Variants in SRD5A2 observed in about 807,000 individuals in gnomAD.
SRD5A2 encodes steroid 5 alpha-reductase 2, also known as 3-oxo-5-alpha-steroid 4-dehydrogenase 2.
A neutral mutation model predicts 27.4 loss-of-function variants in SRD5A2; 30 were observed. The ratio of observed to expected loss-of-function variants is 1.10; its 90% CI spans 0.82 to 1.49. SRD5A2 has a LOEUF of 1.49. Ranked by LOEUF, SRD5A2 falls within the 40% of genes most tolerant of loss-of-function variation. SRD5A2 has a pLI of 0.00. For missense variants in SRD5A2, 348 were observed against 323.4 expected, an observed-to-expected ratio of 1.08 and a Z score of -0.58; for synonymous variants, 141 against 133.6, an observed-to-expected ratio of 1.06 and a Z score of -0.38.
At position 31,531,365 on chromosome 2, in the gene SRD5A2, C is replaced by A. The variant is rs1394419401; in HGVS notation, c.547+6G>T. ...AGTGAGAGTCTGGGGGCAGGGGAGA[C>A]ATTACCTTGTGGAATCCTGTAGCTG... is the stretch of plus-strand genomic sequence containing the variant. On this transcript the variant is annotated splice_donor_region_variant and intron_variant, in intron 3 of 4. Coordinates refer to ENST00000622030, the MANE Select transcript of SRD5A2 (RefSeq NM_000348.4). 1 of 1,567,414 alleles carries A rather than the reference C, an allele frequency of 6.4e-7. No homozygotes were observed. The highest frequency in any genetic ancestry group is 8.7e-7 in the Non-Finnish European group (1 of 1,153,078).
the SRD5A2 span, among the ~76,000 whole-genome samples, chr2:31,604,201 T>C: frequency 6.6e-6 from 1 of 151,748 alleles, no homozygotes; most frequent in African/African-American, 2.4e-5. Flanking sequence ...AACTGAAGTC[T>C]TTCCTCTAAG....
chr2:31,581,053 C>T, upstream of SRD5A2: 1 of 711,042 alleles, frequency 1.4e-6, no homozygotes, highest in Non-Finnish European at 1.9e-6. Context: ...GCGTCCAGCC[C>T]TGGCGCGGTT....
At chr2:31,652,603 G>C in the SRD5A2 span, among the ~76,000 whole-genome samples, 1 of 152,068 alleles carries the variant, frequency 6.6e-6, no homozygotes, top group Non-Finnish European at 1.5e-5. Flanking sequence ...ACAAATTATT[G>C]AAATCAAAAA....
intron 4 of SRD5A2, chr2:31,527,114 C>G (rs1665799409): frequency 3.3e-5 from 5 of 152,196 alleles, no homozygotes; most frequent in Admixed American, 3.3e-4. Flanking sequence ...TTTCAAAATT[C>G]TAGCCTCCAG....
upstream of SRD5A2, among the ~76,000 whole-genome samples, chr2:31,583,652 C>CAAAAAAAAAAAAAAAAAAAAAAAAA (rs1352139998): frequency 1.4e-4 from 3 of 20,922 alleles, no homozygotes; most frequent in Non-Finnish European, 2.2e-4. Context: ...AAAAAAAAAC[C>CAAAAAAAAAAAAAAAAAAAAAAAAA]AAAAAAAAAG....
the SRD5A2 span, among the ~76,000 whole-genome samples, chr2:31,641,626 G>T: frequency 2.0e-5 from 3 of 152,070 alleles, no homozygotes; most frequent in Admixed American, 6.6e-5. Context: ...TTATGAACAC[G>T]TGGTATTATT....
At chr2:31,536,761 A>G (rs1666035477) in intron 1 of SRD5A2, among the ~76,000 whole-genome samples, 1 of 152,202 alleles carries the variant, frequency 6.6e-6, no homozygotes, top group African/African-American at 2.4e-5. Context: ...TTAGCCCAAG[A>G]GGCTGGCAAT....
At chr2:31,538,082 TGATATCTCCAGACAG>T (rs1300153119) in intron 1 of SRD5A2, among the ~76,000 whole-genome samples, 1 of 152,206 alleles carries the variant, frequency 6.6e-6, no homozygotes, top group East Asian at 1.9e-4. Context: ...AGTCCCAAAT[TGATATCTCCAGACAG>T]GATATCTGCA....
chr2:31,594,727 C>G, the SRD5A2 span, among the ~76,000 whole-genome samples: 1 of 152,120 alleles, frequency 6.6e-6, no homozygotes, highest in Non-Finnish European at 1.5e-5. Context: ...TATTTACAAA[C>G]ATTCTACCCA....
chr2:31,563,003 T>C (rs979141295), intron 1 of SRD5A2: 1 of 152,104 alleles, frequency 6.6e-6, no homozygotes, highest in East Asian at 1.9e-4. Flanking sequence ...TAATTTTCCA[T>C]GTGAAAGTTT....
At chr2:31,587,219 C>T in the SRD5A2 span, among the ~76,000 whole-genome samples, 2,761 of 152,152 alleles carry the variant, frequency 0.018, 46 homozygotes, top group Middle Eastern at 0.078. Context: ...ATCTCATCAC[C>T]GTTAGAATGC....
At chr2:31,555,884 C>A (rs1482553150) in intron 1 of SRD5A2, among the ~76,000 whole-genome samples, 3 of 152,152 alleles carry the variant, frequency 2.0e-5, no homozygotes, top group African/African-American at 7.2e-5. Context: ...GTAGGAAGAT[C>A]TCTTGAGCCC....
the SRD5A2 span, among the ~76,000 whole-genome samples, chr2:31,615,876 C>T: frequency 6.6e-6 from 1 of 152,188 alleles, no homozygotes; most frequent in Non-Finnish European, 1.5e-5. Context: ...AGCCTAGGGA[C>T]TTGGTGTCCT....
chr2:31,633,839 T>A, the SRD5A2 span, among the ~76,000 whole-genome samples: 7 of 152,258 alleles, frequency 4.6e-5, no homozygotes, highest in East Asian at 1.4e-3. Flanking sequence ...ACACAGGGCT[T>A]GCAACTTAGC....
At chr2:31,640,039 TTTC>T in the SRD5A2 span, among the ~76,000 whole-genome samples, 4 of 152,024 alleles carry the variant, frequency 2.6e-5, no homozygotes, top group African/African-American at 7.2e-5. Context: ...CTTTTCATTC[TTTC>T]TTCTTTTTTC....
At chr2:31,597,858 TGTAAACTA>T in the SRD5A2 span, among the ~76,000 whole-genome samples, 2 of 152,166 alleles carry the variant, frequency 1.3e-5, no homozygotes, top group African/African-American at 4.8e-5. Flanking sequence ...CTGGTGGGAA[TGTAAACTA>T]GTATAACCAC....
chr2:31,561,224 C>T (rs1666616752), intron 1 of SRD5A2, among the ~76,000 whole-genome samples: 1 of 152,118 alleles, frequency 6.6e-6, no homozygotes, highest in Non-Finnish European at 1.5e-5. Flanking sequence ...AACACACGGC[C>T]TCCAGTATTT....
chr2:31,617,287 A>G, the SRD5A2 span, among the ~76,000 whole-genome samples: 1 of 152,120 alleles, frequency 6.6e-6, no homozygotes, highest in East Asian at 1.9e-4. Flanking sequence ...AGCTGGTGCA[A>G]CTGGGACACA....
intron 1 of SRD5A2, among the ~76,000 whole-genome samples, chr2:31,574,847 C>A (rs1199230680): frequency 1.3e-5 from 2 of 152,142 alleles, no homozygotes. Flanking sequence ...GCCCATAGGC[C>A]AAATATGGCC....
Sources: gnomAD v4.1 joint callset for allele counts (sites outside exome capture counted in the v4.1 genomes callset) on GRCh38, gnomAD v4.1.1 for gene constraint, MANE v1.5 for transcripts, NCBI Gene and HGNC (gene_info 2026-07-23, HGNC 2026-07-21) for gene names.